Variants in PTPRN2 observed in about 807,000 individuals in gnomAD.
PTPRN2 encodes the protein receptor-type tyrosine-protein phosphatase N2.
A neutral mutation model predicts 118.8 loss-of-function variants in PTPRN2; 74 were observed. The observed-to-expected ratio is 0.62, with a 90% confidence interval of 0.52 to 0.76. PTPRN2 has a LOEUF of 0.76. PTPRN2 is among the 30% of genes least tolerant of loss of function. PTPRN2 has a pLI of 0.00. For synonymous variants in PTPRN2, 641 were observed against 608.0 expected, an observed-to-expected ratio of 1.05 and a Z score of -0.80; for missense variants, 1,481 against 1,394.4, an observed-to-expected ratio of 1.06 and a Z score of -0.99.
At chr7:158,247,839 C>T (rs1279456643) in intron 3 of PTPRN2, among the ~76,000 whole-genome samples, 5 of 152,118 alleles carry the variant, frequency 3.3e-5, no homozygotes, top group African/African-American at 1.2e-4. Context: ...TGGTCTCGAA[C>T]TCCTCACCTC....
intron 3 of PTPRN2, among the ~76,000 whole-genome samples, chr7:158,284,757 G>T (rs1464443617): frequency 6.6e-6 from 1 of 152,194 alleles, no homozygotes; most frequent in Non-Finnish European, 1.5e-5. Context: ...CGCATCCAAT[G>T]GAGTGAGCAG....
intron 12 of PTPRN2, among the ~76,000 whole-genome samples, chr7:157,791,108 T>G (rs1804462355): frequency 6.6e-6 from 1 of 152,200 alleles, no homozygotes; most frequent in South Asian, 2.1e-4. Flanking sequence ...CATAAGTGCA[T>G]GTATGTGTAT....
chr7:158,146,203 G>A (rs774332308), intron 6 of PTPRN2, among the ~76,000 whole-genome samples: 24 of 152,160 alleles, frequency 1.6e-4, no homozygotes, highest in Admixed American at 3.9e-4. Flanking sequence ...AAGCTGACAG[G>A]CACCTTCCAA....
intron 2 of PTPRN2, among the ~76,000 whole-genome samples, chr7:158,414,746 G>A (rs1056586693): frequency 6.6e-5 from 10 of 152,228 alleles, no homozygotes; most frequent in African/African-American, 2.4e-4. Flanking sequence ...TCCACTGAAC[G>A]CTGGGAGCTG....
intron 3 of PTPRN2, among the ~76,000 whole-genome samples, chr7:158,224,794 G>A (rs924576666): frequency 6.6e-6 from 1 of 152,142 alleles, no homozygotes; most frequent in African/African-American, 2.4e-5. Flanking sequence ...AACAATGAGC[G>A]CAGAGTTGGA....
chr7:158,153,270 A>G (rs1040937867), intron 6 of PTPRN2, among the ~76,000 whole-genome samples: 1 of 152,192 alleles, frequency 6.6e-6, no homozygotes, highest in Non-Finnish European at 1.5e-5. Context: ...TTACTCTCCA[A>G]GCCCACATAT....
intron 12 of PTPRN2, among the ~76,000 whole-genome samples, chr7:157,685,687 CG>C (rs886867475): frequency 1.3e-5 from 2 of 152,056 alleles, no homozygotes; most frequent in African/African-American, 4.8e-5. Flanking sequence ...GGAGCGGAAC[CG>C]GGCCTGCTTT....
At chr7:158,076,937 C>G (rs1231547931) in intron 11 of PTPRN2, among the ~76,000 whole-genome samples, 1 of 152,230 alleles carries the variant, frequency 6.6e-6, no homozygotes, top group Admixed American at 6.5e-5. Flanking sequence ...ACGGAGCGGA[C>G]CAGACTGTGA....
intron 11 of PTPRN2, among the ~76,000 whole-genome samples, chr7:158,024,954 C>G (rs569788708): frequency 1.3e-5 from 2 of 152,294 alleles, no homozygotes; most frequent in South Asian, 4.1e-4. Context: ...TTGGGGCCTG[C>G]AGAGTCCTTG....
chr7:157,769,093 G>A (rs957949962), intron 12 of PTPRN2, among the ~76,000 whole-genome samples: 3 of 152,178 alleles, frequency 2.0e-5, no homozygotes, highest in African/African-American at 7.2e-5. Flanking sequence ...AACGGGAGGA[G>A]CGTTTGCCTG....
Position 157,656,537 on chromosome 7 carries a change from C to T in PTPRN2, c.2016G>A (p.Gln672=). ...ATAAYQELCR[Q]RMATRPPDRP... is the part of the protein sequence containing the mutation. The stretch of plus-strand genomic sequence containing the variant: ...GGTCTGGTGGCCGCGTGGCCATACG[C>T]TGGCGGCACAGCTCCTGCAGGACAG... The change falls in exon 14 of 23, where the codon CAG becomes CAA. Residue 672 remains glutamine, a synonymous_variant. Coordinates refer to ENST00000389418, the MANE Select transcript of PTPRN2 (RefSeq NM_002847.5). 1.3e-6 allele frequency: 2 copies of T among 1,542,828 alleles called. No homozygotes were observed. The highest frequency in any genetic ancestry group is 8.7e-7 in the Non-Finnish European group (1 of 1,149,974).
chr7:157,820,661 C>A (rs1806780969), intron 12 of PTPRN2, among the ~76,000 whole-genome samples: 2 of 152,346 alleles, frequency 1.3e-5, no homozygotes, highest in South Asian at 4.1e-4. Context: ...TGCACACACA[C>A]ATACACACAC....
chr7:158,402,994 A>G (rs1371822575), intron 2 of PTPRN2, among the ~76,000 whole-genome samples: 2 of 152,256 alleles, frequency 1.3e-5, no homozygotes, highest in African/African-American at 4.8e-5. Context: ...ACCCATGAGC[A>G]GCCCCATCCC....
At chr7:157,574,500 G>A (rs1799916550) in intron 19 of PTPRN2, 2 of 432,968 alleles carry the variant, frequency 4.6e-6, no homozygotes, top group Admixed American at 4.2e-5. Flanking sequence ...AGCAAGAAGG[G>A]AGAGAGTAAT....
intron 12 of PTPRN2, among the ~76,000 whole-genome samples, chr7:157,826,148 G>C (rs1490466195): frequency 7.1e-6 from 1 of 139,872 alleles, no homozygotes; most frequent in African/African-American, 2.7e-5. Context: ...CAACTGTGAT[G>C]ACCACAATCA....
chr7:157,682,684 G>T, intron 13 of PTPRN2, 41 bp downstream of exon 13: 1 of 1,557,668 alleles, frequency 6.4e-7, no homozygotes. Context: ...CTGTTCAACA[G>T]ATAAATCCGA....
In PTPRN2 at chr7:157,576,609, A is replaced by G. The variant is rs562626423; in HGVS notation, c.2783+4T>C. On this transcript the variant is annotated splice_donor_region_variant and intron_variant, in intron 19 of 22. Transcript: ENST00000389418. Reference sequence around the variant, plus strand: ...CTGCCCTGCCGGCGGGCCGCGCGTCATACCTGCGGAAGTCCAGGAGGGACC... The same window carrying G: ...CTGCCCTGCCGGCGGGCCGCGCGTCGTACCTGCGGAAGTCCAGGAGGGACC... 4 of 1,607,404 alleles carry G rather than the reference A, an allele frequency of 2.5e-6. No homozygotes were observed. The East Asian group carries it at 9.0e-5, about 36-fold the overall frequency.
intron 1 of PTPRN2, among the ~76,000 whole-genome samples, chr7:158,534,253 A>G (rs1259306779): frequency 1.1e-4 from 14 of 126,782 alleles, no homozygotes; most frequent in Non-Finnish European, 1.9e-4. Context: ...GCAGGTTGTG[A>G]CCACCCACGC....
chr7:158,500,814 C>G (rs569456426), intron 1 of PTPRN2, among the ~76,000 whole-genome samples: 7 of 152,374 alleles, frequency 4.6e-5, no homozygotes, highest in African/African-American at 1.7e-4. Context: ...TAGAACAAAG[C>G]TGCGGGGCCC....
Sources: gnomAD v4.1 joint callset for allele counts (sites outside exome capture counted in the v4.1 genomes callset) on GRCh38, gnomAD v4.1.1 for gene constraint, MANE v1.5 for transcripts, NCBI Gene and HGNC (gene_info 2026-07-23, HGNC 2026-07-21) for gene names.